DNAH6: variants seen among roughly 807,000 people sequenced by gnomAD.
DNAH6 encodes dynein axonemal heavy chain 6, also known as axonemal beta dynein heavy chain 6.
DNAH6 carries 340 observed loss-of-function variants against 491.4 expected under a neutral mutation model. That is an observed-to-expected ratio of 0.69 (90% confidence interval 0.63 to 0.76). The LOEUF (loss-of-function observed/expected upper bound fraction) is 0.76, where lower values mean the gene tolerates loss of function less well. Among genes scored for constraint, DNAH6 ranks in the 30% least tolerant of loss-of-function variants. DNAH6 has a pLI of 0.00. For missense variants in DNAH6, 4,443 were observed against 4,972.2 expected, an observed-to-expected ratio of 0.89 and a Z score of 3.20; for synonymous variants, 1,603 against 1,686.1, an observed-to-expected ratio of 0.95 and a Z score of 1.21.
At chr2:84,475,615 T>C in the DNAH6 span, among the ~76,000 whole-genome samples, 1 of 152,228 alleles carries the variant, frequency 6.6e-6, no homozygotes, top group Non-Finnish European at 1.5e-5. Context: ...AGTAGCCTTA[T>C]GTAAGTTACC....
intron 43 of DNAH6, among the ~76,000 whole-genome samples, chr2:84,685,952 G>A (rs1422040200): frequency 6.6e-6 from 1 of 152,156 alleles, no homozygotes; most frequent in Non-Finnish European, 1.5e-5. Flanking sequence ...ACTTTGGGAG[G>A]CCAAGGCAAG....
chr2:84,675,745 AC>A (rs1236079571), intron 40 of DNAH6, among the ~76,000 whole-genome samples: 1 of 151,990 alleles, frequency 6.6e-6, no homozygotes, highest in African/African-American at 2.4e-5. Flanking sequence ...TACAGCCTCA[AC>A]CTCCCAGGCT....
chr2:84,684,900 G>A (rs550169496), intron 42 of DNAH6, among the ~76,000 whole-genome samples: 1 of 152,336 alleles, frequency 6.6e-6, no homozygotes, highest in East Asian at 1.9e-4. Flanking sequence ...GACTGACATT[G>A]GGGAAGAAAG....
chr2:84,723,564 T>C (rs769589403), intron 60 of DNAH6, among the ~76,000 whole-genome samples: 9 of 152,230 alleles, frequency 5.9e-5, no homozygotes, highest in Non-Finnish European at 7.3e-5. Context: ...ATTAGTGTTT[T>C]CTGTTGTATC....
the DNAH6 span, among the ~76,000 whole-genome samples, chr2:84,508,311 G>A: frequency 2.2e-4 from 33 of 152,184 alleles, no homozygotes; most frequent in African/African-American, 7.2e-4. Flanking sequence ...TGTATGTGTC[G>A]AGGAATTTAT....
At chr2:84,612,487 T>C (rs1390442671) in intron 22 of DNAH6, among the ~76,000 whole-genome samples, 3 of 152,080 alleles carry the variant, frequency 2.0e-5, no homozygotes, top group African/African-American at 7.2e-5. Context: ...CTGGTAAATA[T>C]CCTCAGACAG....
chr2:84,710,613 C>T (rs1049886683), intron 56 of DNAH6, among the ~76,000 whole-genome samples: 2 of 152,188 alleles, frequency 1.3e-5, no homozygotes, highest in African/African-American at 4.8e-5. Flanking sequence ...GACTTTCAGA[C>T]ATTGTTTTAG....
chr2:84,763,005 AT>A, intron 64 of DNAH6, 60 bp downstream of exon 64: 1 of 1,390,036 alleles, frequency 7.2e-7, no homozygotes, highest in East Asian at 2.5e-5. Flanking sequence ...CTTTGTTAAA[AT>A]TTGCCTTTGT....
At chr2:84,510,125 T>G in the DNAH6 span, among the ~76,000 whole-genome samples, 62 of 152,352 alleles carry the variant, frequency 4.1e-4, no homozygotes, top group African/African-American at 1.3e-3. Context: ...TTGGCCTGCC[T>G]TGCTAGATTG....
intron 47 of DNAH6, 42 bp downstream of exon 47, chr2:84,697,769 C>T (rs1250166360): frequency 9.7e-6 from 15 of 1,548,420 alleles, no homozygotes; most frequent in South Asian, 2.4e-5. Flanking sequence ...ATCACAAAAA[C>T]GTTTCTTCAC....
chr2:84,496,077 A>G, the DNAH6 span, among the ~76,000 whole-genome samples: 1 of 152,192 alleles, frequency 6.6e-6, no homozygotes, highest in Non-Finnish European at 1.5e-5. Flanking sequence ...CAGAGAGGAA[A>G]TAGAATAAAT....
At chr2:84,752,292 A>G (rs1673542061) in intron 63 of DNAH6, among the ~76,000 whole-genome samples, 1 of 152,228 alleles carries the variant, frequency 6.6e-6, no homozygotes, top group African/African-American at 2.4e-5. Context: ...CATGGAAGAA[A>G]ATTCCCCAAA....
intron 65 of DNAH6, among the ~76,000 whole-genome samples, chr2:84,784,292 G>T (rs760312377): frequency 3.3e-5 from 5 of 151,622 alleles, no homozygotes; most frequent in Non-Finnish European, 7.4e-5. Flanking sequence ...TTCTGCTGAG[G>T]GGAGAATTTT....
chr2:84,525,964 C>T (rs568908810), intron 3 of DNAH6, among the ~76,000 whole-genome samples: 66 of 152,204 alleles, frequency 4.3e-4, no homozygotes, highest in African/African-American at 1.5e-3. Context: ...TTCTGACCTT[C>T]TTTTGTATGA....
chr2:84,692,598 A>G (rs1380607387), intron 45 of DNAH6, among the ~76,000 whole-genome samples: 1 of 152,166 alleles, frequency 6.6e-6, no homozygotes, highest in Non-Finnish European at 1.5e-5. Context: ...AATTATGTTT[A>G]TATTTTATGT....
In DNAH6 at chr2:84,814,001, A is replaced by G. The variant is rs372051999; in HGVS notation, c.12029A>G (p.Asn4010Ser). ...GTLQNHARKY[N>S]LPIDELSFKY... Reference sequence around the variant, plus strand: ...CTTCAAAATCATGCTCGAAAATACAATTTGCCTATAGATGAGCTGAGTTTC... The same window carrying G: ...CTTCAAAATCATGCTCGAAAATACAGTTTGCCTATAGATGAGCTGAGTTTC... Residue 4010 changes from asparagine (N) to serine (S), a missense_variant, in exon 75 of 77, where the codon AAT (asparagine) becomes AGT (serine). By Grantham distance (46) the Asn-to-Ser change is conservative. Transcript: ENST00000389394. 19 of 1,551,544 alleles carry G rather than the reference A, an allele frequency of 1.2e-5. No individual in the cohort carries two copies. The highest frequency in any genetic ancestry group is 2.4e-5 in the South Asian group (2 of 84,056).
intron 41 of DNAH6, among the ~76,000 whole-genome samples, chr2:84,679,722 G>A (rs1191251004): frequency 6.6e-6 from 1 of 152,170 alleles, no homozygotes; most frequent in Non-Finnish European, 1.5e-5. Context: ...TTAATGTATG[G>A]ATACCAGTTT....
At chr2:84,659,806 ACT>A (rs1023249504) in intron 37 of DNAH6, among the ~76,000 whole-genome samples, 2 of 152,014 alleles carry the variant, frequency 1.3e-5, no homozygotes, top group African/African-American at 4.8e-5. Context: ...ATATAGCAAG[ACT>A]CTGTCTCTAC....
chr2:84,471,026 A>G, the DNAH6 span, among the ~76,000 whole-genome samples: 1 of 152,138 alleles, frequency 6.6e-6, no homozygotes, highest in Non-Finnish European at 1.5e-5. Flanking sequence ...ATGTTCTGCT[A>G]CTTGAGATAA....
Sources: gnomAD v4.1 joint callset for allele counts (sites outside exome capture counted in the v4.1 genomes callset) on GRCh38, gnomAD v4.1.1 for gene constraint, MANE v1.5 for transcripts, NCBI Gene and HGNC (gene_info 2026-07-23, HGNC 2026-07-21) for gene names.